Variants in PPM1E observed in about 807,000 individuals in gnomAD.
The protein encoded by PPM1E is protein phosphatase 1E.
A neutral mutation model predicts 65.9 loss-of-function variants in PPM1E; 20 were observed. The ratio of observed to expected loss-of-function variants is 0.30; its 90% confidence interval spans 0.21 to 0.44. PPM1E has a LOEUF of 0.44. Among genes scored for constraint, PPM1E ranks in the 20% least tolerant of loss-of-function variants. The probability of loss-of-function intolerance (pLI) is 1.00; values close to 1 mark genes in which losing one functional copy is unlikely to be tolerated. For missense variants in PPM1E, 713 were observed against 953.1 expected (o/e 0.75, Z 3.32); for synonymous variants, 352 against 374.9 (o/e 0.94, Z 0.70).
intron 1 of PPM1E, among the ~76,000 whole-genome samples, chr17:58,896,694 A>G (rs547233647): frequency 1.3e-5 from 2 of 152,370 alleles, no homozygotes; most frequent in Middle Eastern, 3.4e-3. Flanking sequence ...TGCACAGTGA[A>G]GCAGCAAGTG....
chr17:58,816,935 A>G (rs2050432320), intron 1 of PPM1E, among the ~76,000 whole-genome samples: 1 of 150,648 alleles, frequency 6.6e-6, no homozygotes, highest in Non-Finnish European at 1.5e-5. Flanking sequence ...AGCTGGGCCT[A>G]TGGCGCATGA....
chr17:58,860,240 C>G (rs1173198567), intron 1 of PPM1E, among the ~76,000 whole-genome samples: 1 of 152,240 alleles, frequency 6.6e-6, no homozygotes, highest in Non-Finnish European at 1.5e-5. Flanking sequence ...GACCTTGTGC[C>G]CAGGCATAAC....
chr17:58,921,762 C>G lies in PPM1E; in HGVS notation c.465-33887C>G, dbSNP rs1453263893. On this transcript the variant is annotated intron_variant, in intron 1 of 6. Transcript: ENST00000308249. ...ATTGTGTAGGAAGAAAGAGTGTGGC[C>G]GGGCACGGTGGTTCATGCCTGTAAT... Among the ~76,000 whole-genome samples the G allele has an allele frequency of 6.2e-5, 9 of 146,242 alleles. No individual in the cohort carries two copies. The East Asian group carries it at 1.9e-3, about 31-fold the overall frequency.
intron 1 of PPM1E, among the ~76,000 whole-genome samples, chr17:58,910,860 A>G (rs1303325141): frequency 6.6e-6 from 1 of 152,154 alleles, no homozygotes; most frequent in Admixed American, 6.6e-5. Context: ...TTTCTTCTGA[A>G]AGAAGACCTT....
chr17:58,958,714 C>T (rs1359406875), intron 2 of PPM1E, among the ~76,000 whole-genome samples: 1 of 151,688 alleles, frequency 6.6e-6, no homozygotes, highest in Non-Finnish European at 1.5e-5. Flanking sequence ...GAGTAGGTGA[C>T]TCTACAAGTG....
At chr17:58,912,787 C>G (rs2051642512) in intron 1 of PPM1E, among the ~76,000 whole-genome samples, 1 of 152,114 alleles carries the variant, frequency 6.6e-6, no homozygotes. Context: ...TTCCTTCAAC[C>G]CCTACATCCA....
At chr17:58,966,021 G>C (rs945502381) in intron 3 of PPM1E, 128 bp downstream of exon 3, 34 of 959,396 alleles carry the variant, frequency 3.5e-5, no homozygotes, top group Non-Finnish European at 4.3e-5. Flanking sequence ...GTAGGGCTAA[G>C]TGCAAAGTGG....
intron 1 of PPM1E, among the ~76,000 whole-genome samples, chr17:58,955,239 C>T (rs1250490140): frequency 2.0e-5 from 3 of 152,140 alleles, no homozygotes; most frequent in Non-Finnish European, 4.4e-5. Flanking sequence ...GTGGCACATG[C>T]CTGTAGTCCC....
intron 1 of PPM1E, among the ~76,000 whole-genome samples, chr17:58,919,934 T>C (rs1490315887): frequency 6.6e-6 from 1 of 152,120 alleles, no homozygotes; most frequent in Non-Finnish European, 1.5e-5. Context: ...CAGAATAAAC[T>C]ATGGGGTCAG....
chr17:58,783,287 C>T (rs2050067063), intron 1 of PPM1E, among the ~76,000 whole-genome samples: 1 of 152,040 alleles, frequency 6.6e-6, no homozygotes, highest in Non-Finnish European at 1.5e-5. Context: ...ATAAGTATAA[C>T]TAAATATATA....
intron 1 of PPM1E, among the ~76,000 whole-genome samples, chr17:58,887,482 A>G (rs2051288324): frequency 6.6e-6 from 1 of 152,104 alleles, no homozygotes; most frequent in Non-Finnish European, 1.5e-5. Context: ...TTTTATTCTT[A>G]AAAGTAAAGA....
intron 1 of PPM1E, among the ~76,000 whole-genome samples, chr17:58,855,754 T>G (rs2050875970): frequency 6.6e-6 from 1 of 152,178 alleles, no homozygotes. Flanking sequence ...TAACAAACCA[T>G]CCTACGTTTC....
At chr17:58,848,276 G>A (rs1045621332) in intron 1 of PPM1E, among the ~76,000 whole-genome samples, 1 of 152,068 alleles carries the variant, frequency 6.6e-6, no homozygotes, top group Non-Finnish European at 1.5e-5. Context: ...TCCTTCTCCT[G>A]CCTGATTACC....
intron 1 of PPM1E, among the ~76,000 whole-genome samples, chr17:58,868,877 A>G (rs1390173368): frequency 2.0e-5 from 3 of 152,148 alleles, no homozygotes; most frequent in Non-Finnish European, 2.9e-5. Flanking sequence ...ATAAAGTTTA[A>G]GTTACAAGGC....
chr17:58,941,805 G>A (rs1485614499), intron 1 of PPM1E, among the ~76,000 whole-genome samples: 3 of 150,496 alleles, frequency 2.0e-5, no homozygotes, highest in Non-Finnish European at 4.4e-5. Flanking sequence ...AGGAGTTCGA[G>A]TCCAGCCTGG....
intron 2 of PPM1E, among the ~76,000 whole-genome samples, chr17:58,960,242 T>C (rs2029988143): frequency 6.6e-6 from 1 of 152,178 alleles, no homozygotes; most frequent in African/African-American, 2.4e-5. Context: ...TCTTCATCTC[T>C]CCAAACTCAA....
intron 1 of PPM1E, among the ~76,000 whole-genome samples, chr17:58,922,158 A>T (rs1226471480): frequency 6.6e-6 from 1 of 151,144 alleles, no homozygotes; most frequent in Non-Finnish European, 1.5e-5. Flanking sequence ...CAATGAGGAG[A>T]GGGAGGGAGA....
intron 1 of PPM1E, among the ~76,000 whole-genome samples, chr17:58,761,018 C>T (rs1252022932): frequency 6.6e-6 from 1 of 152,202 alleles, no homozygotes; most frequent in East Asian, 1.9e-4. Flanking sequence ...TGGAAATACA[C>T]ACAAGGTATT....
intron 1 of PPM1E, among the ~76,000 whole-genome samples, chr17:58,771,486 T>G (rs191234284): frequency 0.015 from 2,211 of 151,728 alleles, 22 homozygotes; most frequent in Non-Finnish European, 0.023. Context: ...TAGCCAGATG[T>G]GGTGACGGGC....
Sources: allele counts gnomAD v4.1 joint callset (sites outside exome capture counted in the v4.1 genomes callset), GRCh38; gene constraint gnomAD v4.1.1; transcripts MANE v1.5; gene names NCBI Gene and HGNC (gene_info 2026-07-23, HGNC 2026-07-21).